Variants in PPP4R1 observed in about 807,000 individuals in gnomAD.
PPP4R1 encodes the protein serine/threonine-protein phosphatase 4 regulatory subunit 1.
In PPP4R1, 42 loss-of-function variants were observed where a neutral mutation model predicts 111.2. That is an observed-to-expected ratio of 0.38 (90% confidence interval 0.29 to 0.49). The LOEUF is 0.49. Among genes scored for constraint, PPP4R1 ranks in the 20% least tolerant of loss-of-function variants. The pLI is 0.97. For missense variants in PPP4R1, 1,012 were observed against 1,161.6 expected, an observed-to-expected ratio of 0.87 and a Z score of 1.87; for synonymous variants, 409 against 405.5, an observed-to-expected ratio of 1.01 and a Z score of -0.10.
chr18:9,591,582 G>C (rs2067212712), intron 4 of PPP4R1, among the ~76,000 whole-genome samples: 1 of 152,092 alleles, frequency 6.6e-6, no homozygotes, highest in East Asian at 1.9e-4. Flanking sequence ...TCTAAACTAA[G>C]GATACATATT....
At chr18:9,564,727 TGTGTGTGTGTGG>T (rs1385212240) in intron 11 of PPP4R1, among the ~76,000 whole-genome samples, 35 of 52,532 alleles carry the variant, frequency 6.7e-4, no homozygotes, top group Non-Finnish European at 1.2e-3. Context: ...TGTGTGTGTG[TGTGTGTGTGTGG>T]GGGTATCATC....
rs1168580941 is a variant in PPP4R1, at chr18:9,614,076, T to TC, written c.52+149dup. 2.1e-5 allele frequency: 12 copies of TC among 574,498 alleles called. No homozygotes were observed. Among genetic ancestry groups the TC allele is most frequent in the East Asian group, 4.9e-5 (1 of 20,224 alleles). The allele number at this position is 574,498 out of a possible 1,614,324, so 35.6% of individuals were successfully genotyped here. On this transcript the variant is annotated intron_variant, in intron 2 of 19. Coordinates refer to ENST00000400556, the MANE Select transcript of PPP4R1 (RefSeq NM_001042388.3). This position sits in a 1 kb window ranked among gnomAD's most constrained non-coding sequence, Gnocchi z 4.1. Reference sequence around the variant, plus strand: ...CCGTTTCCTCACGGACGCGAGATTTTCCCCCCCGATCGCCACCCCAGCCCG... The same window carrying TC: ...CCGTTTCCTCACGGACGCGAGATTTTCCCCCCCCGATCGCCACCCCAGCCCG...
chr18:9,595,385 C>T (rs2067274982), intron 2 of PPP4R1, among the ~76,000 whole-genome samples: 1 of 152,110 alleles, frequency 6.6e-6, no homozygotes, highest in Non-Finnish European at 1.5e-5. Flanking sequence ...TCTAAAAGCA[C>T]AAAGGTCAGA....
chr18:9,589,884 C>G (rs1162976617), intron 4 of PPP4R1: 2 of 152,290 alleles, frequency 1.3e-5, no homozygotes, highest in South Asian at 2.1e-4. Flanking sequence ...GGCAACAGAG[C>G]AAGACTCTGT....
rs771464660 is a variant in PPP4R1, at chr18:9,588,151, G to A, written c.523C>T (p.Pro175Ser). Residue 175 changes from proline to serine, a missense_variant, in exon 6 of 20, where the codon CCT (proline) becomes TCT (serine). Around this residue, in one of 2 missense-constraint regions of PPP4R1, gnomAD observed 707 missense variants for 742.1 expected, o/e 0.95. Coordinates refer to ENST00000400556, the MANE Select transcript of PPP4R1 (RefSeq NM_001042388.3). ...ERFDVETKVC[P>S]VLIELTAPDS... ...GGGGCTGTCAGCTCTATGAGGACAG[G>A]GCACACTTTGGTCTCCACATCAAAT... The A allele has an allele frequency of 6.2e-7, 1 of 1,614,100 alleles. No individual in the cohort carries two copies. The highest frequency in any genetic ancestry group is 8.5e-7 in the Non-Finnish European group (1 of 1,180,016).
chr18:9,550,958 G>C (rs2066479486), intron 16 of PPP4R1: 1 of 152,546 alleles, frequency 6.6e-6, no homozygotes, highest in Non-Finnish European at 1.5e-5. Flanking sequence ...TGGCCTTGAA[G>C]AAATACCTTG....
At chr18:9,599,158 G>C (rs1310062713) in intron 2 of PPP4R1, among the ~76,000 whole-genome samples, 1 of 152,036 alleles carries the variant, frequency 6.6e-6, no homozygotes, top group Non-Finnish European at 1.5e-5. Flanking sequence ...TATATTGTGG[G>C]GTTCACAACA....
chr18:9,560,419 A>C (rs1598898601), intron 13 of PPP4R1, among the ~76,000 whole-genome samples: 1 of 6 alleles, frequency 0.17, no homozygotes, highest in Admixed American at 0.5. Context: ...AGGTGTGTAT[A>C]AATATAGCTG....
At chr18:9,587,706 C>T (rs1256646825) in intron 6 of PPP4R1, among the ~76,000 whole-genome samples, 1 of 151,064 alleles carries the variant, frequency 6.6e-6, no homozygotes, top group African/African-American at 2.4e-5. Context: ...GCACCCAGCC[C>T]AGCCTAATTT....
intron 2 of PPP4R1, among the ~76,000 whole-genome samples, chr18:9,604,894 A>G (rs933730119): frequency 7.2e-5 from 11 of 152,330 alleles, no homozygotes; most frequent in East Asian, 1.9e-4. Flanking sequence ...GGGATAATTG[A>G]TAAGTCAAGA....
At chr18:9,589,653 C>T (rs566835474) in intron 4 of PPP4R1, 5 of 152,274 alleles carry the variant, frequency 3.3e-5, no homozygotes, top group African/African-American at 1.2e-4. Context: ...AATCCCAGCA[C>T]TTTGAGAGGC....
chr18:9,594,898 G>T, intron 3 of PPP4R1, 120 bp downstream of exon 3: 1 of 1,183,102 alleles, frequency 8.5e-7, no homozygotes, highest in Non-Finnish European at 1.2e-6. Context: ...AATAAAACTT[G>T]GTGACTCAGA....
chr18:9,605,481 A>C (rs1383811342), intron 2 of PPP4R1, among the ~76,000 whole-genome samples: 1 of 150,392 alleles, frequency 6.6e-6, no homozygotes, highest in East Asian at 1.9e-4. Flanking sequence ...TCACCTCCAC[A>C]CTACCAGTAA....
At chr18:9,607,783 CTTTT>C (rs59033925) in intron 2 of PPP4R1, among the ~76,000 whole-genome samples, 3 of 125,364 alleles carry the variant, frequency 2.4e-5, no homozygotes, top group Admixed American at 8.1e-5. Context: ...TTCTTTCTTT[CTTTT>C]TTTTTTTTTT....
upstream of PPP4R1, chr18:9,617,016 C>CTA (rs2067694083): frequency 6.6e-6 from 1 of 152,214 alleles, no homozygotes. Context: ...TCTCTCCTTT[C>CTA]TAAAAGAAAG....
intron 2 of PPP4R1, among the ~76,000 whole-genome samples, chr18:9,604,279 C>T (rs2067441291): frequency 1.3e-5 from 2 of 152,170 alleles, no homozygotes; most frequent in Non-Finnish European, 2.9e-5. Context: ...CTCCCAGCCT[C>T]CCCTCATTCG....
At chr18:9,572,364 G>C (rs1224878247) in intron 10 of PPP4R1, among the ~76,000 whole-genome samples, 1 of 152,184 alleles carries the variant, frequency 6.6e-6, no homozygotes, top group African/African-American at 2.4e-5. Context: ...GAGGAAAATA[G>C]GTTAGAAGAG....
At position 9,614,343 on chromosome 18, in the gene PPP4R1, C is replaced by T. The variant is rs2067648953; in HGVS notation, c.8-73G>A. The T allele has an allele frequency of 2.3e-5, 24 of 1,063,994 alleles. No homozygotes were observed. Among genetic ancestry groups the T allele is most frequent in the Non-Finnish European group, 2.8e-5 (24 of 872,014 alleles). The allele number at this position is 1,063,994 out of a possible 1,614,324, so 65.9% of individuals were successfully genotyped here. A position where few individuals can be genotyped will look rare whatever the true frequency, so the allele number is the denominator to read the frequency against. On this transcript the variant is annotated intron_variant, in intron 1 of 19. Transcript: ENST00000400556. The surrounding 1 kb of genome is among the most constrained non-coding windows in gnomAD (Gnocchi z 4.1). The stretch of plus-strand genomic sequence containing the variant: ...GGCGCGACGCCCCCCCCCCGCCCGC[C>T]TCCCCCCCGCCCCGGGGGCGCCTTC...
intron 15 of PPP4R1, among the ~76,000 whole-genome samples, chr18:9,554,248 C>T (rs558411167): frequency 1.3e-5 from 2 of 152,078 alleles, no homozygotes; most frequent in East Asian, 3.9e-4. Context: ...CTGCCTCAGC[C>T]TCCCGAGTAG....
Sources: gnomAD v4.1 joint callset for allele counts (sites outside exome capture counted in the v4.1 genomes callset) on GRCh38, gnomAD v4.1.1 for gene constraint, gnomAD v4.1.1 regional missense constraint, Gnocchi (gnomAD v3.1) non-coding constraint, MANE v1.5 for transcripts, NCBI Gene and HGNC (gene_info 2026-07-23, HGNC 2026-07-21) for gene names.